MSRA: variants seen among roughly 807,000 people sequenced by gnomAD.
The protein encoded by MSRA is methionine sulfoxide reductase A.
Under a neutral mutation model 31.3 loss-of-function variants are expected in MSRA, and 54 were observed. That is an observed-to-expected ratio of 1.73 (90% CI 1.39 to 2.17). The LOEUF (loss-of-function observed/expected upper bound fraction) is 2.17. MSRA is among the 30% of genes most tolerant of loss of function. The pLI, the probability that MSRA is intolerant of heterozygous loss-of-function variation, is 0.00. For missense variants in MSRA, 507 were observed against 300.9 expected (o/e 1.69, Z -5.07); for synonymous variants, 169 against 116.5 (o/e 1.45, Z -2.90).
intron 5 of MSRA, among the ~76,000 whole-genome samples, chr8:10,408,883 G>A (rs1339091440): frequency 1.3e-5 from 2 of 152,160 alleles, no homozygotes; most frequent in Non-Finnish European, 2.9e-5. Context: ...CCACATTGCT[G>A]CAAAAGACAT....
chr8:10,307,367 A>G (rs1801197129), intron 4 of MSRA, among the ~76,000 whole-genome samples: 1 of 152,006 alleles, frequency 6.6e-6, no homozygotes, highest in South Asian at 2.1e-4. Context: ...GGATTTCGCC[A>G]TGTTGCTCAG....
chr8:10,240,831 C>T (rs1186868423), intron 2 of MSRA, among the ~76,000 whole-genome samples: 1 of 151,886 alleles, frequency 6.6e-6, no homozygotes, highest in African/African-American at 2.4e-5. Context: ...CAACACCCCA[C>T]CCCCCGCACC....
chr8:10,128,761 A>AACTCTTCATCAGAGGT (rs796089735), intron 1 of MSRA, among the ~76,000 whole-genome samples: 23 of 152,300 alleles, frequency 1.5e-4, no homozygotes, highest in African/African-American at 5.5e-4. Context: ...TTTTCTATTC[A>AACTCTTCATCAGAGGT]ACTCTTCATC....
chr8:10,134,661 A>G lies in MSRA; in HGVS notation c.143-73172A>G, dbSNP rs1338606420. On this transcript the variant is annotated intron_variant, in intron 1 of 5. Transcript: ENST00000317173. ...GGCATGACTGCACGCCTCGTATCAG[A>G]ACTCGGAAGCCTGGTGGTGACAGGA... Among the ~76,000 whole-genome samples, 8 of 152,328 alleles carry G rather than the reference A, an allele frequency of 5.3e-5. No individual in the cohort carries two copies. The East Asian group carries it at 1.5e-3, about 29-fold the overall frequency.
At chr8:10,089,475 C>G (rs1347108811) in intron 1 of MSRA, among the ~76,000 whole-genome samples, 1 of 152,122 alleles carries the variant, frequency 6.6e-6, no homozygotes, top group Non-Finnish European at 1.5e-5. Flanking sequence ...ATTGCACATT[C>G]CCATGGTCAG....
At chr8:10,104,030 A>T (rs994701765) in intron 1 of MSRA, among the ~76,000 whole-genome samples, 3 of 152,180 alleles carry the variant, frequency 2.0e-5, no homozygotes, top group African/African-American at 7.2e-5. Context: ...TTTGCAAATG[A>T]AATTAGATAT....
intron 5 of MSRA, among the ~76,000 whole-genome samples, chr8:10,415,768 T>G (rs1319101207): frequency 6.6e-6 from 1 of 151,774 alleles, no homozygotes; most frequent in African/African-American, 2.4e-5. Flanking sequence ...ACCCCCAGCC[T>G]CCATGTGTTT....
chr8:10,289,029 T>A (rs1800088298), intron 3 of MSRA, among the ~76,000 whole-genome samples: 1 of 152,106 alleles, frequency 6.6e-6, no homozygotes, highest in African/African-American at 2.4e-5. Context: ...TTTATCTTAT[T>A]TTTTTGAAAT....
intron 1 of MSRA, among the ~76,000 whole-genome samples, chr8:10,087,072 T>C (rs1347164673): frequency 2.0e-5 from 3 of 152,296 alleles, no homozygotes; most frequent in Admixed American, 6.5e-5. Flanking sequence ...GATGTTTCAA[T>C]AATAAGAATT....
At chr8:10,247,612 C>T (rs1051502572) in intron 3 of MSRA, among the ~76,000 whole-genome samples, 3 of 152,100 alleles carry the variant, frequency 2.0e-5, no homozygotes, top group Non-Finnish European at 2.9e-5. Flanking sequence ...GTATGGAAAC[C>T]ACAGAGACTG....
At chr8:10,107,020 C>A (rs1253268904) in intron 1 of MSRA, among the ~76,000 whole-genome samples, 1 of 152,136 alleles carries the variant, frequency 6.6e-6, no homozygotes, top group Non-Finnish European at 1.5e-5. Flanking sequence ...GTCTCTGAGT[C>A]CCTCAGTGCT....
At chr8:10,145,786 A>T (rs1027574805) in intron 1 of MSRA, among the ~76,000 whole-genome samples, 5 of 152,202 alleles carry the variant, frequency 3.3e-5, no homozygotes, top group Non-Finnish European at 5.9e-5. Flanking sequence ...TTTAAAAATT[A>T]CACACATACA....
chr8:10,247,744 C>T (rs1237746247), intron 3 of MSRA, among the ~76,000 whole-genome samples: 1 of 152,116 alleles, frequency 6.6e-6, no homozygotes, highest in Non-Finnish European at 1.5e-5. Context: ...TACCCATACA[C>T]AGAAGGAGAG....
At chr8:10,157,288 A>G (rs1445739356) in intron 1 of MSRA, among the ~76,000 whole-genome samples, 1 of 152,132 alleles carries the variant, frequency 6.6e-6, no homozygotes, top group African/African-American at 2.4e-5. Flanking sequence ...GACACTAGCA[A>G]TGGACTTGTA....
At chr8:10,245,571 A>G (rs571938127) in intron 3 of MSRA, among the ~76,000 whole-genome samples, 1 of 152,198 alleles carries the variant, frequency 6.6e-6, no homozygotes, top group Non-Finnish European at 1.5e-5. Context: ...CATGTGGCTA[A>G]GGTCAACCTG....
intron 1 of MSRA, among the ~76,000 whole-genome samples, chr8:10,193,422 A>G (rs999228417): frequency 6.6e-6 from 1 of 152,210 alleles, no homozygotes; most frequent in African/African-American, 2.4e-5. Flanking sequence ...TTATTCAGCA[A>G]AGCTCCATTC....
At chr8:10,206,659 C>T (rs1279546493) in intron 1 of MSRA, among the ~76,000 whole-genome samples, 1 of 152,216 alleles carries the variant, frequency 6.6e-6, no homozygotes, top group Non-Finnish European at 1.5e-5. Context: ...TGCTCTCTCA[C>T]CCTTGCCTTT....
At chr8:10,282,578 T>G (rs1437433461) in intron 3 of MSRA, among the ~76,000 whole-genome samples, 1 of 152,186 alleles carries the variant, frequency 6.6e-6, no homozygotes, top group Non-Finnish European at 1.5e-5. Context: ...GCAGCCATAG[T>G]GGCACTGTGC....
intron 2 of MSRA, among the ~76,000 whole-genome samples, chr8:10,209,409 A>C (rs946404021): frequency 6.6e-6 from 1 of 152,254 alleles, no homozygotes; most frequent in Non-Finnish European, 1.5e-5. Context: ...TGTGATATTG[A>C]AGTAAAACTT....
Sources: allele counts gnomAD v4.1 joint callset (sites outside exome capture counted in the v4.1 genomes callset), GRCh38; gene constraint gnomAD v4.1.1; transcripts MANE v1.5; gene names NCBI Gene and HGNC (gene_info 2026-07-23, HGNC 2026-07-21).